Variants in EYS observed in about 807,000 individuals in gnomAD.
The protein encoded by EYS is protein eyes shut homolog.
Under a neutral mutation model 282.1 loss-of-function variants are expected in EYS, and 250 were observed. The ratio of observed to expected loss-of-function variants is 0.89; its 90% CI spans 0.80 to 0.98. The LOEUF (loss-of-function observed/expected upper bound fraction) is 0.98, where lower values mean the gene tolerates loss of function less well. Ranked by LOEUF, EYS falls within the 50% of genes least tolerant of loss-of-function variation. EYS has a pLI of 0.00. For missense variants in EYS, 4,016 were observed against 3,709.0 expected (o/e 1.08, Z -2.15); for synonymous variants, 1,355 against 1,282.9 (o/e 1.06, Z -1.20).
intron 12 of EYS, among the ~76,000 whole-genome samples, chr6:65,140,218 T>C (rs1276031618): frequency 1.3e-5 from 2 of 151,554 alleles, no homozygotes; most frequent in Non-Finnish European, 2.9e-5. Context: ...ATTTTAGAAA[T>C]AAAAACATAA....
At chr6:63,878,894 G>A in intron 35 of EYS, among the ~76,000 whole-genome samples, 1 of 152,120 alleles carries the variant, frequency 6.6e-6, no homozygotes, top group East Asian at 1.9e-4. Flanking sequence ...CCTTGGCTAG[G>A]AAAGGGAATT....
In EYS at chr6:64,425,150, C is replaced by T. The variant is rs558274501; in HGVS notation, c.5927+11024G>A. ...GAGGAAGTCAGGTATTGGGTGAGGT[C>T]GAGGAACACAGGCAGGAACACAACC... On this transcript the variant is annotated intron_variant, in intron 28 of 42. Transcript: ENST00000503581. Among the ~76,000 whole-genome samples the T allele has an allele frequency of 1.9e-4, 29 of 152,118 alleles. No individual in the cohort carries two copies. The South Asian group carries it at 5.0e-3, about 26-fold the overall frequency.
At chr6:65,278,622 T>C (rs1016459489) in intron 12 of EYS, among the ~76,000 whole-genome samples, 3 of 152,010 alleles carry the variant, frequency 2.0e-5, no homozygotes, top group Non-Finnish European at 4.4e-5. Context: ...TTGTTTTTAA[T>C]TTGAATTAAA....
chr6:64,257,049 T>G (rs184904754), intron 30 of EYS, among the ~76,000 whole-genome samples: 192 of 152,144 alleles, frequency 1.3e-3, no homozygotes, highest in Middle Eastern at 0.01. Flanking sequence ...TAAAACACAT[T>G]TCTTCCTTCA....
At chr6:64,657,995 T>C (rs1768817616) in intron 22 of EYS, among the ~76,000 whole-genome samples, 3 of 152,176 alleles carry the variant, frequency 2.0e-5, no homozygotes, top group Admixed American at 2.0e-4. Context: ...GGTACACCAA[T>C]CAGATGTAGA....
intron 12 of EYS, among the ~76,000 whole-genome samples, chr6:65,208,157 A>G (rs1267156481): frequency 6.6e-6 from 1 of 152,046 alleles, no homozygotes; most frequent in Middle Eastern, 3.4e-3. Flanking sequence ...ATGAAAAGAC[A>G]TGTCTCAAAA....
intron 31 of EYS, among the ~76,000 whole-genome samples, chr6:64,118,246 T>G (rs116077094): frequency 0.019 from 2,935 of 152,078 alleles, 82 homozygotes; most frequent in African/African-American, 0.066. Flanking sequence ...ATTCTGTGCA[T>G]AAAACAAAGC....
At chr6:63,951,762 G>T (rs995641998) in intron 35 of EYS, among the ~76,000 whole-genome samples, 2 of 120,924 alleles carry the variant, frequency 1.7e-5, no homozygotes, top group African/African-American at 8.5e-5. Context: ...TATACTCAAG[G>T]TTAATGCTTT....
intron 31 of EYS, among the ~76,000 whole-genome samples, chr6:64,138,099 C>T (rs192258180): frequency 5.4e-4 from 82 of 152,140 alleles, no homozygotes; most frequent in African/African-American, 7.5e-4. Flanking sequence ...TAGCGAGTGT[C>T]GATTGGATTG....
At chr6:64,080,180 A>G (rs2149867349) in intron 32 of EYS, among the ~76,000 whole-genome samples, 1 of 152,292 alleles carries the variant, frequency 6.6e-6, no homozygotes, top group South Asian at 2.1e-4. Flanking sequence ...TTACAGTCCC[A>G]CCAACAGTGT....
intron 13 of EYS, among the ~76,000 whole-genome samples, chr6:65,045,238 T>C (rs573440410): frequency 2.6e-5 from 4 of 151,878 alleles, no homozygotes; most frequent in Non-Finnish European, 5.9e-5. Flanking sequence ...AACACTCTGA[T>C]CTTTGACAAA....
At chr6:64,085,625 C>T (rs757483791) in intron 31 of EYS, among the ~76,000 whole-genome samples, 22 of 151,962 alleles carry the variant, frequency 1.4e-4, no homozygotes, top group Non-Finnish European at 3.1e-4. Context: ...AGGTATGGCA[C>T]CTCATTTGTT....
At chr6:64,960,406 A>T (rs559814273) in intron 14 of EYS, among the ~76,000 whole-genome samples, 1 of 152,260 alleles carries the variant, frequency 6.6e-6, no homozygotes, top group East Asian at 1.9e-4. Context: ...ACCTTTTTAA[A>T]TTGCTGTCAA....
intron 36 of EYS, among the ~76,000 whole-genome samples, chr6:63,807,817 A>G (rs928610658): frequency 6.6e-6 from 1 of 152,192 alleles, no homozygotes; most frequent in Admixed American, 6.5e-5. Context: ...TCTCAGGTAT[A>G]TCACTTTCAG....
intron 31 of EYS, among the ~76,000 whole-genome samples, chr6:64,151,300 C>T (rs1238610566): frequency 3.7e-4 from 37 of 99,224 alleles, no homozygotes; most frequent in Non-Finnish European, 5.2e-4. Context: ...TGTTTTCACA[C>T]GTGTGTGTGT....
chr6:65,604,446 A>G (rs1765714771), intron 2 of EYS, among the ~76,000 whole-genome samples: 2 of 151,962 alleles, frequency 1.3e-5, no homozygotes, highest in African/African-American at 4.8e-5. Flanking sequence ...AACACATTAA[A>G]GAGTTCAAAA....
intron 13 of EYS, among the ~76,000 whole-genome samples, chr6:65,044,805 G>T (rs1177342541): frequency 6.6e-6 from 1 of 151,646 alleles, no homozygotes; most frequent in Non-Finnish European, 1.5e-5. Flanking sequence ...TTTGTATTTT[G>T]GTACCCTTCC....
At chr6:64,041,778 T>C (rs1770403627) in intron 33 of EYS, among the ~76,000 whole-genome samples, 2 of 152,212 alleles carry the variant, frequency 1.3e-5, no homozygotes, top group African/African-American at 4.8e-5. Context: ...ATTTTTGCTG[T>C]CCACATATTA....
intron 5 of EYS, among the ~76,000 whole-genome samples, chr6:65,449,702 C>T (rs367549002): frequency 2.0e-5 from 3 of 151,960 alleles, no homozygotes; most frequent in East Asian, 1.9e-4. Context: ...ATAAGCCTTA[C>T]GAAGAAAGGA....
Sources: gnomAD v4.1 joint callset for allele counts (sites outside exome capture counted in the v4.1 genomes callset) on GRCh38, gnomAD v4.1.1 for gene constraint, MANE v1.5 for transcripts, NCBI Gene and HGNC (gene_info 2026-07-23, HGNC 2026-07-21) for gene names.